Variants in MECOM observed in about 807,000 individuals in gnomAD.
MECOM encodes histone-lysine N-methyltransferase MECOM.
In MECOM, 13 loss-of-function variants were observed where a neutral mutation model predicts 116.3. The ratio of observed to expected loss-of-function variants is 0.11; its 90% CI spans 0.07 to 0.18. The LOEUF (loss-of-function observed/expected upper bound fraction) is 0.18. MECOM is among the 10% of genes least tolerant of loss of function. The pLI is 1.00. For synonymous variants in MECOM, 528 were observed against 535.2 expected, an observed-to-expected ratio of 0.99 and a Z score of 0.19; for missense variants, 1,299 against 1,509.0, an observed-to-expected ratio of 0.86 and a Z score of 2.31.
chr3:169,466,178 G>A (rs1025608023), intron 1 of MECOM, among the ~76,000 whole-genome samples: 1 of 152,164 alleles, frequency 6.6e-6, no homozygotes, highest in Non-Finnish European at 1.5e-5. Flanking sequence ...CAGTCCAACA[G>A]GCAGCCTCTC....
At chr3:169,287,461 T>G (rs1022884070) in intron 2 of MECOM, among the ~76,000 whole-genome samples, 6 of 152,328 alleles carry the variant, frequency 3.9e-5, no homozygotes, top group Middle Eastern at 3.4e-3. Context: ...AAAGTGACTT[T>G]CTGTATCATT....
chr3:169,093,688 C>T (rs1246634556), intron 13 of MECOM, among the ~76,000 whole-genome samples: 2 of 152,132 alleles, frequency 1.3e-5, no homozygotes. Flanking sequence ...GATGATCTTC[C>T]CCTTCCTTGC....
intron 1 of MECOM, among the ~76,000 whole-genome samples, chr3:169,574,940 T>C (rs546154006): frequency 6.6e-5 from 10 of 152,116 alleles, no homozygotes; most frequent in Non-Finnish European, 1.2e-4. Flanking sequence ...AAAAGCATAA[T>C]CTTTCCGAAG....
chr3:169,518,667 G>A (rs1252214615), intron 1 of MECOM, among the ~76,000 whole-genome samples: 1 of 152,112 alleles, frequency 6.6e-6, no homozygotes, highest in African/African-American at 2.4e-5. Context: ...TCTAAGAATA[G>A]CTCTAATATG....
intron 1 of MECOM, among the ~76,000 whole-genome samples, chr3:169,520,536 G>T (rs548062077): frequency 3.7e-4 from 56 of 152,234 alleles, no homozygotes; most frequent in African/African-American, 1.2e-3. Flanking sequence ...TTACTTTCAA[G>T]GGTTTTGAGA....
intron 2 of MECOM, among the ~76,000 whole-genome samples, chr3:169,313,727 T>G (rs1719222162): frequency 1.3e-5 from 2 of 152,234 alleles, no homozygotes; most frequent in South Asian, 4.2e-4. Flanking sequence ...GTATAGAGGT[T>G]AAGGTAAATA....
At chr3:169,636,358 C>T (rs1408322929) in intron 1 of MECOM, among the ~76,000 whole-genome samples, 1 of 152,166 alleles carries the variant, frequency 6.6e-6, no homozygotes. Flanking sequence ...GCATGACAAA[C>T]ATGTTTGTCT....
chr3:169,488,372 C>CAAAAAAA (rs758493062), intron 1 of MECOM, among the ~76,000 whole-genome samples: 25 of 62,388 alleles, frequency 4.0e-4, no homozygotes, highest in African/African-American at 9.9e-4. Flanking sequence ...ACTAAAAATA[C>CAAAAAAA]AAAAAAAAAA....
intron 2 of MECOM, among the ~76,000 whole-genome samples, chr3:169,263,192 A>G (rs1757823999): frequency 7.5e-6 from 1 of 134,036 alleles, no homozygotes. Flanking sequence ...GCAGTGGCGC[A>G]ATCTCCACTC....
At chr3:169,095,313 A>G in intron 12 of MECOM, 68 bp from the exon 13 acceptor site, 1 of 1,377,772 alleles carries the variant, frequency 7.3e-7, no homozygotes, top group Non-Finnish European at 9.8e-7. Flanking sequence ...CTAGTTAGCC[A>G]GCTATCAAAA....
chr3:169,371,825 C>T (rs915076007), intron 2 of MECOM, among the ~76,000 whole-genome samples: 1 of 151,976 alleles, frequency 6.6e-6, no homozygotes, highest in African/African-American at 2.4e-5. Context: ...CTTAGAAGTG[C>T]AATGTTGCTG....
intron 1 of MECOM, among the ~76,000 whole-genome samples, chr3:169,578,766 A>C (rs925169827): frequency 3.3e-5 from 5 of 152,346 alleles, no homozygotes; most frequent in African/African-American, 1.2e-4. Flanking sequence ...AAGCGTACAC[A>C]AAAGGGTATA....
intron 1 of MECOM, among the ~76,000 whole-genome samples, chr3:169,425,688 A>G (rs145728622): frequency 6.6e-6 from 1 of 152,176 alleles, no homozygotes; most frequent in East Asian, 1.9e-4. Context: ...TTAAAAGCCC[A>G]CATTCTTAGC....
At chr3:169,450,078 G>A (rs1240821307) in intron 1 of MECOM, among the ~76,000 whole-genome samples, 3 of 152,098 alleles carry the variant, frequency 2.0e-5, no homozygotes, top group South Asian at 2.1e-4. Flanking sequence ...ACTCTGTCTA[G>A]GGAATAAAGA....
intron 1 of MECOM, among the ~76,000 whole-genome samples, chr3:169,599,502 ACT>A (rs1245195790): frequency 5.2e-5 from 7 of 135,714 alleles, no homozygotes; most frequent in South Asian, 2.4e-4. Context: ...ACAGAGTGAG[ACT>A]CTGTCTCAAA....
intron 2 of MECOM, among the ~76,000 whole-genome samples, chr3:169,172,884 G>A (rs1203566553): frequency 6.6e-5 from 10 of 152,074 alleles, no homozygotes; most frequent in Non-Finnish European, 1.5e-4. Context: ...CCCAATGCTT[G>A]TCTTATTGGA....
intron 1 of MECOM, among the ~76,000 whole-genome samples, chr3:169,477,688 C>T (rs1750697369): frequency 6.6e-6 from 1 of 152,168 alleles, no homozygotes; most frequent in Admixed American, 6.6e-5. Flanking sequence ...GTATTTACTT[C>T]ATTCTAAATC....
intron 2 of MECOM, among the ~76,000 whole-genome samples, chr3:169,208,436 C>T (rs1750251658): frequency 6.6e-6 from 1 of 151,340 alleles, no homozygotes; most frequent in African/African-American, 2.4e-5. Context: ...CTCATAACAG[C>T]TTCTGTTTAT....
intron 2 of MECOM, among the ~76,000 whole-genome samples, chr3:169,224,455 G>C (rs1416624617): frequency 6.6e-6 from 1 of 152,084 alleles, no homozygotes; most frequent in Non-Finnish European, 1.5e-5. Context: ...GGCTTCCTAG[G>C]GTTCTCAAAA....
Sources: gnomAD v4.1 joint callset for allele counts (sites outside exome capture counted in the v4.1 genomes callset) on GRCh38, gnomAD v4.1.1 for gene constraint, MANE v1.5 for transcripts, NCBI Gene and HGNC (gene_info 2026-07-23, HGNC 2026-07-21) for gene names.